The following MAGEB1 variants were observed in gnomAD, a reference collection of about 807,000 sequenced individuals.
The protein encoded by MAGEB1 is MAGE family member B1.
For missense variants in MAGEB1, 290 were observed against 286.7 expected, an observed-to-expected ratio of 1.01 and a Z score of -0.08; for synonymous variants, 99 against 105.7, an observed-to-expected ratio of 0.94 and a Z score of 0.39.
rs973304413 is a variant in MAGEB1 at position 30,251,213 on chromosome X, A to G, written c.720A>G (p.Glu240=). ...YDGEEHLIYG[E]PRKFITQDLV... is the part of the protein sequence containing the mutation. ...GAGAGGAGCACTTAATCTATGGGGA[A>G]CCCCGTAAGTTCATCACCCAAGATC... Residue 240 remains glutamate (E), a synonymous_variant, in exon 2 of 2, where the codon GAA becomes GAG. Coordinates refer to ENST00000397548, the MANE Select transcript of MAGEB1 (RefSeq NM_177404.3). 5 of 1,211,832 alleles carry G rather than the reference A, an allele frequency of 4.1e-6. No homozygotes were observed. The East Asian group carries it at 1.2e-4, about 29-fold the overall frequency.
chrX:30,251,375 T>G lies in MAGEB1; in HGVS notation c.882T>G (p.Gly294=). ...TCGAGTTTTTGGCCAAGATGAATGG[T>G]GCCACTCCCCGTGACTTCCCATCCC... The part of the protein sequence containing the change: ...KVLEFLAKMN[G]ATPRDFPSHY... Residue 294 remains glycine, a synonymous_variant, in exon 2 of 2, where the codon GGT becomes GGG. Transcript: ENST00000397548. 1 of 1,211,268 alleles carries G rather than the reference T, an allele frequency of 8.3e-7. No homozygotes were observed. The highest frequency in any genetic ancestry group is 1.1e-6 in the Non-Finnish European group (1 of 895,385).
chrX:30,250,427 C>A lies in MAGEB1; in HGVS notation c.-60-7C>A. On this transcript the variant is annotated splice_polypyrimidine_tract_variant and splice_region_variant and intron_variant, in intron 1 of 1. Coordinates refer to ENST00000397548, the MANE Select transcript of MAGEB1 (RefSeq NM_177404.3). ...GTACTCACAGGATCTCATTCTCTCT[C>A]CTTCAGGTGCCACATCTCCTGCCTT... The A allele has an allele frequency of 1.1e-6, 1 of 940,414 alleles. No individual in the cohort carries two copies. The highest frequency in any genetic ancestry group is 1.5e-6 in the Non-Finnish European group (1 of 687,888). 77.5% of individuals were successfully genotyped at this position (940,414 alleles called of 1,213,427 possible).
rs1384363485 is a variant in MAGEB1 at position 30,251,367 on chromosome X, A to T, written c.874A>T (p.Met292Leu). 7 of 1,211,679 alleles carry T rather than the reference A, an allele frequency of 5.8e-6. No homozygotes were observed. In the East Asian group the frequency reaches 1.8e-4, roughly 31 times the overall value. ...KMKVLEFLAKMNGATPRDFPS... is the reference protein window; with the variant it reads ...KMKVLEFLAKLNGATPRDFPS... ...GAAAGTCCTCGAGTTTTTGGCCAAG[A>T]TGAATGGTGCCACTCCCCGTGACTT... Residue 292 changes from methionine to leucine, a missense_variant, in exon 2 of 2, where the codon ATG (methionine) becomes TTG (leucine). Physicochemically the swap from Met to Leu is conservative, Grantham distance 15 (BLOSUM62 2). Transcript: ENST00000397548.
intron 1 of MAGEB1, among the ~76,000 whole-genome samples, chrX:30,247,659 G>A (rs983472253): frequency 1.8e-5 from 2 of 112,285 alleles, no homozygotes; most frequent in African/African-American, 6.5e-5. Context: ...CAGGTCAATA[G>A]AGGGAGGAGT....
chrX:30,247,630 G>C (rs1304943720), intron 1 of MAGEB1, among the ~76,000 whole-genome samples: 1 of 111,984 alleles, frequency 8.9e-6, no homozygotes, highest in East Asian at 2.8e-4. Context: ...CGAAGGCTTT[G>C]GCCTAAGCCT....
upstream of MAGEB1, among the ~76,000 whole-genome samples, chrX:30,246,828 A>T (rs1173659834): frequency 1.8e-5 from 2 of 111,280 alleles, no homozygotes; most frequent in African/African-American, 6.5e-5. Flanking sequence ...CACGGTGAGG[A>T]CTCTGAGAGC....
intron 1 of MAGEB1, among the ~76,000 whole-genome samples, chrX:30,247,946 G>GAAACAAAA (rs1925383553): frequency 2.2e-5 from 1 of 45,936 alleles, no homozygotes; most frequent in Non-Finnish European, 3.4e-5. Flanking sequence ...TCAGTCTCAA[G>GAAACAAAA]AAAAAAAAAA....
upstream of MAGEB1, among the ~76,000 whole-genome samples, chrX:30,246,122 G>A (rs894388490): frequency 8.9e-6 from 1 of 112,023 alleles, no homozygotes; most frequent in Admixed American, 9.4e-5. Context: ...ACTCCAAAAT[G>A]TAAGGGTTCA....
chrX:30,246,277 C>G (rs1451217432), upstream of MAGEB1: 1 of 112,353 alleles, frequency 8.9e-6, no homozygotes, highest in African/African-American at 3.2e-5. Context: ...TCCTTATTAT[C>G]TGTTTTTGCA....
chrX:30,246,706 G>A (rs894421121), upstream of MAGEB1, among the ~76,000 whole-genome samples: 7 of 112,328 alleles, frequency 6.2e-5, no homozygotes, highest in Non-Finnish European at 1.3e-4. Flanking sequence ...GCATCAGACA[G>A]AGCTATCTAC....
In MAGEB1 at chrX:30,251,265, G is replaced by T. The variant is rs779526546; in HGVS notation, c.772G>T (p.Glu258Ter). The change falls in exon 2 of 2, where the codon GAG becomes TAG. Residue 258 changes from glutamate (E) to a stop codon, truncating the protein, a stop_gained. Coordinates refer to ENST00000397548, the MANE Select transcript of MAGEB1 (RefSeq NM_177404.3). LOFTEE classifies it low-confidence loss of function (END_TRUNC). ...GGTGCAGGAAAAATATCTGAAGTAC[G>T]AGCAGGTGCCCAACAGTGATCCCCC... ...DLVQEKYLKY[E>*]QVPNSDPPRY... The T allele has an allele frequency of 8.3e-7, 1 of 1,211,949 alleles. No homozygotes were observed. Among genetic ancestry groups the T allele is most frequent in the African/African-American group, 1.7e-5 (1 of 57,854 alleles).
chrX:30,250,609 C>T lies in MAGEB1; in HGVS notation c.116C>T (p.Pro39Leu), dbSNP rs758000014. The change falls in exon 2 of 2, where the codon CCC (proline) becomes CTC (leucine). Residue 39 changes from proline (P) to leucine (L), a missense_variant. Coordinates refer to ENST00000397548, the MANE Select transcript of MAGEB1 (RefSeq NM_177404.3). ...HATAAEKEEC[P>L]SSSPVLGDTP... ...ACTGCAGCAGAGAAAGAGGAGTGCCCCTCCTCCTCTCCTGTTTTAGGGGAT... is the reference window on the plus strand; with the variant it reads ...ACTGCAGCAGAGAAAGAGGAGTGCCTCTCCTCCTCTCCTGTTTTAGGGGAT... 1.2e-5 allele frequency: 14 copies of T among 1,207,938 alleles called. No individual in the cohort carries two copies. In the South Asian group the frequency reaches 1.4e-4, roughly 12 times the overall value.
chrX:30,249,668 C>T (rs755274417), intron 1 of MAGEB1, among the ~76,000 whole-genome samples: 2 of 111,521 alleles, frequency 1.8e-5, no homozygotes, highest in East Asian at 5.7e-4. Context: ...CAGCCACCCT[C>T]ATTTCCTCCA....
chrX:30,248,226 G>C (rs1925394614), intron 1 of MAGEB1, among the ~76,000 whole-genome samples: 1 of 111,633 alleles, frequency 9.0e-6, no homozygotes, highest in Non-Finnish European at 1.9e-5. Context: ...GGCCAGAGCT[G>C]GCAGGCTCAA....
Position 30,250,706 on chromosome X carries a change from T to C in MAGEB1, c.213T>C (p.Ala71=). The part of the protein sequence containing the change: ...PQGAPPTTTA[A]AAVSCTESDE... ...GAGCTCCACCCACCACCACTGCTGC[T>C]GCAGCTGTGTCATGTACCGAATCTG... Residue 71 remains alanine (A), a synonymous_variant, in exon 2 of 2, where the codon GCT becomes GCC. Coordinates refer to ENST00000397548, the MANE Select transcript of MAGEB1 (RefSeq NM_177404.3). 1.7e-6 allele frequency: 2 copies of C among 1,211,289 alleles called. No individual in the cohort carries two copies. Among genetic ancestry groups the C allele is most frequent in the Non-Finnish European group, 2.2e-6 (2 of 895,124 alleles).
intron 1 of MAGEB1, among the ~76,000 whole-genome samples, chrX:30,247,966 A>AAAAAAAAAAAAAC (rs1925387737): frequency 9.4e-6 from 1 of 106,051 alleles, no homozygotes; most frequent in Non-Finnish European, 2.0e-5. Context: ...AAAAAAAAAA[A>AAAAAAAAAAAAAC]AAAGTCCCGC....
intron 1 of MAGEB1, among the ~76,000 whole-genome samples, chrX:30,249,649 G>A (rs373925970): frequency 1.8e-5 from 2 of 111,538 alleles, no homozygotes; most frequent in East Asian, 5.6e-4. Context: ...TGGGCATTGT[G>A]ACCAGATACA....
Position 30,251,446 on chromosome X carries a change from G to T in MAGEB1, c.953G>T (p.Arg318Leu). Residue 318 changes from arginine (R) to leucine (L), a missense_variant, in exon 2 of 2, where the codon CGA (arginine) becomes CTA (leucine). Transcript: ENST00000397548. ...LRDEEERAQVRSSVRARRRTT... is the reference protein window; with the variant it reads ...LRDEEERAQVLSSVRARRRTT... ...GATGAGGAAGAGAGAGCCCAAGTCCGATCCAGTGTTAGAGCCAGGCGTCGC... is the reference window on the plus strand; with the variant it reads ...GATGAGGAAGAGAGAGCCCAAGTCCTATCCAGTGTTAGAGCCAGGCGTCGC... 3 of 1,211,696 alleles carry T rather than the reference G, an allele frequency of 2.5e-6. No homozygotes were observed. The highest frequency in any genetic ancestry group is 3.4e-6 in the Non-Finnish European group (3 of 895,457).
rs762697257 is a variant in MAGEB1, at chrX:30,249,485, TGAA to T, written c.-60-947_-60-945del. On this transcript the variant is annotated intron_variant, in intron 1 of 1. Coordinates refer to ENST00000397548, the MANE Select transcript of MAGEB1 (RefSeq NM_177404.3). The stretch of plus-strand genomic sequence containing the variant: ...TTCCTCTTCAGAAGTAACAGGGAAA[TGAA>T]GGTCTTAGTCAGATGGGTTAGCAGG... 2.1e-3 allele frequency among the ~76,000 whole-genome samples: 228 copies of T among 110,307 alleles called. 2 individuals carry two copies. The highest frequency in any genetic ancestry group is 7.4e-3 in the African/African-American group (224 of 30,292).
Sources: gnomAD v4.1 joint callset for allele counts (sites outside exome capture counted in the v4.1 genomes callset) on GRCh38, gnomAD v4.1.1 for gene constraint, MANE v1.5 for transcripts, NCBI Gene and HGNC (gene_info 2026-07-23, HGNC 2026-07-21) for gene names.